NBAS: variants seen among roughly 807,000 people sequenced by gnomAD.
The protein encoded by NBAS is NBAS subunit of NRZ tethering complex.
A neutral mutation model predicts 302.5 loss-of-function variants in NBAS; 219 were observed. The observed-to-expected ratio is 0.72, with a 90% CI of 0.65 to 0.81. The LOEUF (loss-of-function observed/expected upper bound fraction) is 0.81. NBAS is among the 30% of genes least tolerant of loss of function. The probability of loss-of-function intolerance (pLI) is 0.00; values close to 1 mark genes in which losing one functional copy is unlikely to be tolerated. For missense variants in NBAS, 2,932 were observed against 2,841.6 expected (o/e 1.03, Z -0.72); for synonymous variants, 1,118 against 1,021.6 (o/e 1.09, Z -1.80).
At chr2:15,191,483 G>A (rs530168543) in intron 48 of NBAS, among the ~76,000 whole-genome samples, 7 of 152,198 alleles carry the variant, frequency 4.6e-5, no homozygotes, top group African/African-American at 7.2e-5. Context: ...AGCCCATGTC[G>A]TTCTTCTATG....
the NBAS span, among the ~76,000 whole-genome samples, chr2:14,883,982 AAAT>A: frequency 6.6e-6 from 1 of 151,950 alleles, no homozygotes; most frequent in Non-Finnish European, 1.5e-5. Context: ...AAAAAAAATA[AAAT>A]AAAATAAAGA....
At chr2:15,251,129 TA>T (rs1159170500) in intron 44 of NBAS, among the ~76,000 whole-genome samples, 1 of 152,002 alleles carries the variant, frequency 6.6e-6, no homozygotes, top group African/African-American at 2.4e-5. Flanking sequence ...TATGCAGCCA[TA>T]AAAAAGAATG....
intron 38 of NBAS, among the ~76,000 whole-genome samples, chr2:15,320,639 C>G (rs1030855166): frequency 2.1e-3 from 318 of 152,164 alleles, no homozygotes; most frequent in African/African-American, 7.1e-3. Flanking sequence ...GAATGAACTC[C>G]CATTCACAAT....
At chr2:15,323,563 C>A (rs766274729) in intron 38 of NBAS, among the ~76,000 whole-genome samples, 1 of 152,136 alleles carries the variant, frequency 6.6e-6, no homozygotes, top group Non-Finnish European at 1.5e-5. Context: ...CTAGAAAAAA[C>A]TTGATGTATG....
chr2:15,406,319 G>A (rs1341688361), intron 25 of NBAS, among the ~76,000 whole-genome samples: 3 of 151,954 alleles, frequency 2.0e-5, no homozygotes, highest in African/African-American at 7.3e-5. Context: ...AAATCACTAG[G>A]GTAATGGTAA....
At chr2:15,479,297 A>G (rs1351843729) in intron 12 of NBAS, among the ~76,000 whole-genome samples, 1 of 152,240 alleles carries the variant, frequency 6.6e-6, no homozygotes, top group Non-Finnish European at 1.5e-5. Context: ...ATAAGAAACG[A>G]TGACTAAGTT....
At chr2:15,459,104 T>G (rs1679388260) in intron 21 of NBAS, among the ~76,000 whole-genome samples, 1 of 152,196 alleles carries the variant, frequency 6.6e-6, no homozygotes, top group Admixed American at 6.5e-5. Context: ...GCAGCTCTTT[T>G]GCAAACCAAC....
chr2:15,383,007 T>TA lies in NBAS; in HGVS notation c.3360+207dup, dbSNP rs371320686. Among the ~76,000 whole-genome samples the TA allele has an allele frequency of 6.1e-3, 929 of 152,178 alleles. 7 individuals carry two copies. Among genetic ancestry groups the TA allele is most frequent in the African/African-American group, 0.021 (874 of 41,506 alleles). On this transcript the variant is annotated intron_variant, in intron 29 of 51. Transcript: ENST00000281513. Reference sequence around the variant, plus strand: ...ATTTTCTAGCTGATGATTAACCTACTAAACAGATAGTGTTGCAATGAAAAA... The same window carrying TA: ...ATTTTCTAGCTGATGATTAACCTACTAAAACAGATAGTGTTGCAATGAAAAA...
At chr2:14,964,143 A>G in the NBAS span, among the ~76,000 whole-genome samples, 1 of 152,260 alleles carries the variant, frequency 6.6e-6, no homozygotes, top group Admixed American at 6.5e-5. Context: ...GCATCCAATC[A>G]AAAGCTACCA....
chr2:15,064,957 T>C, the NBAS span, among the ~76,000 whole-genome samples: 5 of 152,160 alleles, frequency 3.3e-5, no homozygotes, highest in Non-Finnish European at 5.9e-5. Context: ...TCAATTAATG[T>C]AACAGAACCC....
chr2:15,358,000 G>A (rs1252020037), intron 32 of NBAS, among the ~76,000 whole-genome samples: 1 of 152,116 alleles, frequency 6.6e-6, no homozygotes, highest in Non-Finnish European at 1.5e-5. Context: ...ATGGACTTAA[G>A]AAAATCTAAA....
At chr2:15,368,302 C>A (rs1259335677) in intron 31 of NBAS, among the ~76,000 whole-genome samples, 1 of 148,476 alleles carries the variant, frequency 6.7e-6, no homozygotes, top group Non-Finnish European at 1.5e-5. Flanking sequence ...CAGGTTCAAG[C>A]GATTCTTCTG....
chr2:14,912,703 TAAAAAAAAAAAAA>T, the NBAS span, among the ~76,000 whole-genome samples: 54 of 78,582 alleles, frequency 6.9e-4, 1 homozygote, highest in African/African-American at 1.8e-3. Context: ...CATTCATTTT[TAAAAAAAAAAAAA>T]AAAAAAAAAA....
intron 5 of NBAS, among the ~76,000 whole-genome samples, chr2:15,551,766 A>T (rs1169970282): frequency 6.6e-6 from 1 of 152,236 alleles, no homozygotes; most frequent in Non-Finnish European, 1.5e-5. Flanking sequence ...TATATGGAAT[A>T]TAGTGACACA....
intron 42 of NBAS, among the ~76,000 whole-genome samples, chr2:15,280,176 A>G (rs905137256): frequency 2.0e-5 from 3 of 152,238 alleles, no homozygotes; most frequent in Admixed American, 2.0e-4. Context: ...AATGGCTTCC[A>G]GATGTCAGTC....
chr2:15,387,460 T>A (rs1292753337), intron 28 of NBAS, among the ~76,000 whole-genome samples: 1 of 152,208 alleles, frequency 6.6e-6, no homozygotes, highest in Non-Finnish European at 1.5e-5. Flanking sequence ...TGTTCTACTT[T>A]AAATGATGAC....
the NBAS span, among the ~76,000 whole-genome samples, chr2:15,060,262 G>A: frequency 6.1e-3 from 930 of 152,192 alleles, 4 homozygotes; most frequent in Non-Finnish European, 9.5e-3. Context: ...TGCCATGTCC[G>A]GGGAGCACAT....
At chr2:14,868,129 G>A in the NBAS span, among the ~76,000 whole-genome samples, 2 of 152,060 alleles carry the variant, frequency 1.3e-5, no homozygotes, top group Non-Finnish European at 2.9e-5. Flanking sequence ...GAGACTGAAG[G>A]TCACAGAAGC....
intron 25 of NBAS, among the ~76,000 whole-genome samples, chr2:15,413,195 C>A (rs1676765378): frequency 6.6e-6 from 1 of 152,182 alleles, no homozygotes; most frequent in African/African-American, 2.4e-5. Context: ...CAAATAAAAT[C>A]TTTTCATTTA....
Sources: gnomAD v4.1 joint callset for allele counts (sites outside exome capture counted in the v4.1 genomes callset) on GRCh38, gnomAD v4.1.1 for gene constraint, MANE v1.5 for transcripts, NCBI Gene and HGNC (gene_info 2026-07-23, HGNC 2026-07-21) for gene names.